Variants in RGPD3 observed in about 807,000 individuals in gnomAD.
RGPD3 encodes RANBP2 like and GRIP domain containing 3, also known as ranBP2-like and GRIP domain-containing protein 3.
RGPD3 carries 62 observed loss-of-function variants against 154.5 expected under a neutral mutation model. The observed-to-expected ratio is 0.40, with a 90% CI of 0.33 to 0.50. The LOEUF is 0.50. RGPD3 is among the 20% of genes least tolerant of loss of function. The pLI is 0.59. For missense variants in RGPD3, 919 were observed against 1,716.8 expected (o/e 0.54, Z 8.21); for synonymous variants, 308 against 607.0 (o/e 0.51, Z 7.24).
intron 1 of RGPD3, among the ~76,000 whole-genome samples, chr2:106,461,587 AG>A: frequency 6.6e-6 from 1 of 151,562 alleles, no homozygotes; most frequent in Admixed American, 6.6e-5. Context: ...CGGGTGACGC[AG>A]GTAAGTAAAA....
At chr2:106,470,848 C>T (rs1177729236), upstream of RGPD3, 23 of 1,603,372 alleles carry the variant, frequency 1.4e-5, no homozygotes, top group East Asian at 6.7e-5. Flanking sequence ...GGAGCACTAA[C>T]GCCATCTAGT....
At chr2:106,446,524 C>T (rs1413549561) in intron 7 of RGPD3, among the ~76,000 whole-genome samples, 4 of 99,488 alleles carry the variant, frequency 4.0e-5, no homozygotes, top group Non-Finnish European at 7.6e-5. Context: ...GAGCCAAGAT[C>T]GTGCCACTGC....
intron 7 of RGPD3, among the ~76,000 whole-genome samples, chr2:106,441,860 T>A (rs1677753603): frequency 1.9e-5 from 1 of 53,514 alleles, no homozygotes; most frequent in Admixed American, 3.5e-4. Context: ...TGAGACTCCA[T>A]CGCAAAAAAA....
At chr2:106,415,113 C>T (rs1445291338) in intron 21 of RGPD3, among the ~76,000 whole-genome samples, 3 of 151,096 alleles carry the variant, frequency 2.0e-5, no homozygotes, top group Non-Finnish European at 4.4e-5. Context: ...CTGCAACATT[C>T]CTAGATGTTT....
At chr2:106,408,163 CAATTTGTGAAAT>C (rs1410639047) in intron 22 of RGPD3, among the ~76,000 whole-genome samples, 1 of 42,898 alleles carries the variant, frequency 2.3e-5, no homozygotes, top group Non-Finnish European at 4.6e-5. Flanking sequence ...ATGAAACACT[CAATTTGTGAAAT>C]ATGCTGAGTT....
rs920485036 is a variant in RGPD3, at chr2:106,404,073, C to T, written c.*1146G>A. On this transcript the variant is annotated 3_prime_UTR_variant, in exon 23 of 23. Transcript: ENST00000409886. ...TACCACCTAAGGTTATTCAGAGGAA[C>T]TGTGAAGATGTAGCACGGACCTCTA... Among the ~76,000 whole-genome samples, 1 of 152,120 alleles carries T rather than the reference C, an allele frequency of 6.6e-6. No homozygotes were observed. The highest frequency in any genetic ancestry group is 1.5e-5 in the Non-Finnish European group (1 of 68,048).
rs1435342362 is a variant in RGPD3, at chr2:106,448,837, C to T, written c.783-1224G>A. 1.5e-3 allele frequency among the ~76,000 whole-genome samples: 223 copies of T among 151,364 alleles called. 3 individuals carry two copies. The highest frequency in any genetic ancestry group is 3.7e-3 in the African/African-American group (154 of 41,134). On this transcript the variant is annotated intron_variant, in intron 6 of 22. Transcript: ENST00000409886. ...TCCCGAGCAGCTGGGACTATAGGCG[C>T]GTACCAACATGCCCAGCTAATTTTT...
chr2:106,461,334 G>C (rs1343540485), intron 1 of RGPD3, among the ~76,000 whole-genome samples: 1 of 149,106 alleles, frequency 6.7e-6, no homozygotes, highest in African/African-American at 2.5e-5. Flanking sequence ...ATAAAATAAG[G>C]GTTACTTGAA....
intron 22 of RGPD3, among the ~76,000 whole-genome samples, chr2:106,412,317 T>TG: frequency 4.5e-5 from 5 of 110,648 alleles, no homozygotes; most frequent in African/African-American, 6.7e-5. Context: ...TTTTTTTTTT[T>TG]TTTTTTTTTT....
Position 106,423,885 on chromosome 2 carries a change from C to A in RGPD3, c.4082G>T (p.Arg1361Met). Residue 1361 changes from arginine (R) to methionine (M), a missense_variant, in exon 20 of 23, where the codon AGG becomes ATG. Transcript: ENST00000409886. ...TTTATCATATCTGTAGAATTCTGCC[C>A]TGTGACTAAAAACAACTTGTTCATT... is the stretch of plus-strand genomic sequence containing the variant. ...EENEQVVFSH[R>M]AEFYRYDKDV... 1 of 1,611,924 alleles carries A rather than the reference C, an allele frequency of 6.2e-7. No homozygotes were observed. The highest frequency in any genetic ancestry group is 8.5e-7 in the Non-Finnish European group (1 of 1,179,862).
At chr2:106,413,000 T>G in intron 22 of RGPD3, 84 bp downstream of exon 22, 1 of 1,590,508 alleles carries the variant, frequency 6.3e-7, no homozygotes, top group South Asian at 1.1e-5. Flanking sequence ...AATTGAAAAG[T>G]TACACATACA....
chr2:106,444,426 CA>C, intron 7 of RGPD3, among the ~76,000 whole-genome samples: 1 of 54,604 alleles, frequency 1.8e-5, no homozygotes, highest in South Asian at 6.5e-4. Flanking sequence ...TTTGCATATG[CA>C]AAAAATATTT....
chr2:106,410,090 G>A (rs1676625903), intron 22 of RGPD3, among the ~76,000 whole-genome samples: 2 of 151,714 alleles, frequency 1.3e-5, no homozygotes, highest in Middle Eastern at 3.4e-3. Context: ...TGGCCAGGCT[G>A]GTCTTGAACT....
rs776274966 is a variant in RGPD3 at position 106,424,301 on chromosome 2, C to A, written c.3666G>T (p.Lys1222Asn). The change falls in exon 20 of 23, where the codon AAG becomes AAT. Residue 1222 changes from lysine to asparagine, a missense_variant. Transcript: ENST00000409886. The stretch of plus-strand genomic sequence containing the variant: ...CACCGGCCGCACCTGTACCTGAACC[C>A]TTATTTTCTTCCTCAGCGACTTTTG... ...DQTKVAEEEN[K>N]GSGTGAAGAS... 1 of 1,611,936 alleles carries A rather than the reference C, an allele frequency of 6.2e-7. No individual in the cohort carries two copies. The highest frequency in any genetic ancestry group is 1.3e-5 in the African/African-American group (1 of 74,932).
chr2:106,449,155 G>C (rs1406722961), intron 6 of RGPD3, among the ~76,000 whole-genome samples: 1 of 151,694 alleles, frequency 6.6e-6, no homozygotes, highest in East Asian at 1.9e-4. Flanking sequence ...TTGGAAAATA[G>C]TTATTTTTCA....
At chr2:106,434,132 G>A (rs1677462763) in intron 15 of RGPD3, 96 bp downstream of exon 15, 4 of 1,596,612 alleles carry the variant, frequency 2.5e-6, no homozygotes, top group African/African-American at 2.7e-5. Flanking sequence ...ACATATTACT[G>A]AGTATTTTTT....
At chr2:106,467,798 C>T (rs1373486813) in intron 1 of RGPD3, among the ~76,000 whole-genome samples, 1 of 143,764 alleles carries the variant, frequency 7.0e-6, no homozygotes, top group Admixed American at 6.8e-5. Context: ...GCCGCCGGGC[C>T]AGGTCGAGGC....
At chr2:106,410,731 G>T (rs1676645230) in intron 22 of RGPD3, among the ~76,000 whole-genome samples, 1 of 151,942 alleles carries the variant, frequency 6.6e-6, no homozygotes, top group African/African-American at 2.4e-5. Flanking sequence ...ACTAGAAGTA[G>T]ATTTCTTCTT....
Position 106,436,493 on chromosome 2 carries a change from G to A in RGPD3, c.1555C>T (p.Pro519Ser). Residue 519 changes from proline (P) to serine (S), a missense_variant, in exon 11 of 23, where the codon CCT becomes TCT. Physicochemically the swap from Pro to Ser is moderately conservative, Grantham distance 74 (BLOSUM62 -1). Transcript: ENST00000409886. ...TCTGTACAAAGCTGTTTACACACAG[G>A]AAGGGGCAGGCATAACGGCTGATAG... is the stretch of plus-strand genomic sequence containing the variant. ...SSYQPLCLPL[P>S]VCKQLCTERQ... 6.2e-7 allele frequency: 1 copy of A among 1,611,280 alleles called. No homozygotes were observed. Among genetic ancestry groups the A allele is most frequent in the East Asian group, 2.2e-5 (1 of 44,862 alleles).
Sources: gnomAD v4.1 joint callset for allele counts (sites outside exome capture counted in the v4.1 genomes callset) on GRCh38, gnomAD v4.1.1 for gene constraint, MANE v1.5 for transcripts, NCBI Gene and HGNC (gene_info 2026-07-23, HGNC 2026-07-21) for gene names.